The following IGF2BP3 variants were observed in gnomAD, a reference collection of about 807,000 sequenced individuals.
IGF2BP3 encodes insulin like growth factor 2 mRNA binding protein 3, also known as insulin-like growth factor 2 mRNA-binding protein 3.
A neutral mutation model predicts 73.8 loss-of-function variants in IGF2BP3; 9 were observed. That is an observed-to-expected ratio of 0.12 (90% CI 0.07 to 0.21). The LOEUF is 0.21. Ranked by LOEUF, IGF2BP3 falls within the 10% of genes least tolerant of loss-of-function variation. The pLI is 1.00. For synonymous variants in IGF2BP3, 258 were observed against 256.7 expected (o/e 1.01, Z -0.05); for missense variants, 542 against 714.0 (o/e 0.76, Z 2.75).
chr7:23,431,882 GT>G (rs1787690195), intron 2 of IGF2BP3, among the ~76,000 whole-genome samples: 1 of 152,136 alleles, frequency 6.6e-6, no homozygotes, highest in Non-Finnish European at 1.5e-5. Context: ...CTGTGGTATA[GT>G]TAACAGGGCG....
intron 10 of IGF2BP3, among the ~76,000 whole-genome samples, chr7:23,341,737 G>A (rs1264284636): frequency 1.3e-5 from 2 of 150,820 alleles, no homozygotes; most frequent in Non-Finnish European, 2.9e-5. Flanking sequence ...TTCTGCACAT[G>A]TATCCGAGAA....
intron 2 of IGF2BP3, among the ~76,000 whole-genome samples, chr7:23,454,668 GCAAAGGTTC>G: frequency 6.6e-6 from 1 of 152,216 alleles, no homozygotes; most frequent in Non-Finnish European, 1.5e-5. Flanking sequence ...ACAGGGCTAA[GCAAAGGTTC>G]CTACTGAGGC....
At chr7:23,364,547 CAAAAAAAA>C (rs34795303) in intron 3 of IGF2BP3, among the ~76,000 whole-genome samples, 4 of 40,352 alleles carry the variant, frequency 9.9e-5, no homozygotes, top group African/African-American at 2.0e-4. Flanking sequence ...GACTTTGTGT[CAAAAAAAA>C]AAAAAAAAAA....
chr7:23,428,128 A>G (rs1467578039), intron 2 of IGF2BP3, among the ~76,000 whole-genome samples: 1 of 152,124 alleles, frequency 6.6e-6, no homozygotes, highest in Non-Finnish European at 1.5e-5. Flanking sequence ...GTGAGCCAAG[A>G]TCATGCCACT....
At chr7:23,341,183 C>A (rs562180279) in intron 10 of IGF2BP3, among the ~76,000 whole-genome samples, 2 of 152,054 alleles carry the variant, frequency 1.3e-5, no homozygotes, top group South Asian at 4.2e-4. Context: ...TACCTCTTTA[C>A]AAAATAAACA....
At chr7:23,320,947 C>CAAAA (rs70966008) in intron 10 of IGF2BP3, among the ~76,000 whole-genome samples, 4 of 96,474 alleles carry the variant, frequency 4.1e-5, no homozygotes, top group South Asian at 3.0e-4. Flanking sequence ...AACTCTGTCT[C>CAAAA]AAAAAAAAAA....
intron 5 of IGF2BP3, among the ~76,000 whole-genome samples, chr7:23,354,529 A>C (rs1052384206): frequency 1.3e-4 from 20 of 152,228 alleles, no homozygotes; most frequent in African/African-American, 4.6e-4. Context: ...AGATAGACAC[A>C]TACAGATATC....
chr7:23,334,108 G>A (rs1784513038), intron 10 of IGF2BP3, among the ~76,000 whole-genome samples: 1 of 152,142 alleles, frequency 6.6e-6, no homozygotes, highest in African/African-American at 2.4e-5. Context: ...GGCTGAGGCG[G>A]GCGGATCCCT....
intron 2 of IGF2BP3, among the ~76,000 whole-genome samples, chr7:23,462,127 G>T (rs1269667250): frequency 6.6e-6 from 1 of 152,190 alleles, no homozygotes; most frequent in Non-Finnish European, 1.5e-5. Context: ...TAATGGACCT[G>T]AGTGGCACAT....
intron 3 of IGF2BP3, among the ~76,000 whole-genome samples, chr7:23,391,826 G>A (rs1189008737): frequency 6.6e-6 from 1 of 152,216 alleles, no homozygotes; most frequent in African/African-American, 2.4e-5. Context: ...ATCAAAATGA[G>A]TAAGAACTTG....
rs1181323758 is a variant in IGF2BP3 at position 23,334,141 on chromosome 7, G to C, written c.1203+7923C>G. On this transcript the variant is annotated intron_variant, in intron 10 of 14. Transcript: ENST00000258729. ...CCTTGAGGTCAGGAGTTCGAGACCA[G>C]CTGGGCTGATATGATGAAACCCCAT... Among the ~76,000 whole-genome samples, 3 of 152,120 alleles carry C rather than the reference G, an allele frequency of 2.0e-5. No homozygotes were observed. In the East Asian group the frequency reaches 5.8e-4, roughly 29 times the overall value.
At chr7:23,345,726 T>A (rs1784812934) in intron 8 of IGF2BP3, among the ~76,000 whole-genome samples, 2 of 152,250 alleles carry the variant, frequency 1.3e-5, no homozygotes, top group African/African-American at 4.8e-5. Flanking sequence ...AAAACATGAA[T>A]GTAAAGCATT....
chr7:23,384,445 G>T (rs1271858266), intron 3 of IGF2BP3, among the ~76,000 whole-genome samples: 2 of 152,092 alleles, frequency 1.3e-5, no homozygotes, highest in Non-Finnish European at 2.9e-5. Context: ...GAATTGTATG[G>T]TATTTAAATT....
rs763046938 is a variant in IGF2BP3 at position 23,410,335 on chromosome 7, C to A, written c.285+8441G>T. Among the ~76,000 whole-genome samples, 8 of 152,066 alleles carry A rather than the reference C, an allele frequency of 5.3e-5. No homozygotes were observed. The East Asian group carries it at 1.5e-3, about 29-fold the overall frequency. ...TTGTGCCACTGCACTCCAGCCTGGG[C>A]GATAGGAGTCAAGATTCTGTCTCAA... On this transcript the variant is annotated intron_variant, in intron 3 of 14. Coordinates refer to ENST00000258729, the MANE Select transcript of IGF2BP3 (RefSeq NM_006547.3).
At chr7:23,355,145 T>C (rs575264803) in intron 5 of IGF2BP3, among the ~76,000 whole-genome samples, 20 of 152,312 alleles carry the variant, frequency 1.3e-4, no homozygotes, top group Admixed American at 5.9e-4. Context: ...TTGACACATA[T>C]GTATTCAGTT....
chr7:23,451,992 C>CTTTTTTTTTTTTTTT (rs796497374), intron 2 of IGF2BP3, among the ~76,000 whole-genome samples: 1 of 142,030 alleles, frequency 7.0e-6, no homozygotes, highest in African/African-American at 2.6e-5. Context: ...TTCTTTTTTC[C>CTTTTTTTTTTTTTTT]TTTTTTTTTT....
At chr7:23,421,135 G>A (rs1396408926) in intron 2 of IGF2BP3, among the ~76,000 whole-genome samples, 1 of 152,072 alleles carries the variant, frequency 6.6e-6, no homozygotes, top group Non-Finnish European at 1.5e-5. Context: ...TCAGCCTCCT[G>A]CGTAGCTGGG....
intron 2 of IGF2BP3, among the ~76,000 whole-genome samples, chr7:23,463,521 T>C (rs1021562018): frequency 2.6e-5 from 4 of 152,244 alleles, no homozygotes; most frequent in Middle Eastern, 3.2e-3. Flanking sequence ...GATAACCTAT[T>C]TATTTTGAGC....
At chr7:23,445,645 C>A (rs1437584144) in intron 2 of IGF2BP3, among the ~76,000 whole-genome samples, 2 of 152,044 alleles carry the variant, frequency 1.3e-5, no homozygotes, top group Non-Finnish European at 2.9e-5. Flanking sequence ...ACTGAAGAAG[C>A]GTGTAACAAT....
Sources: allele counts gnomAD v4.1 joint callset (sites outside exome capture counted in the v4.1 genomes callset), GRCh38; gene constraint gnomAD v4.1.1; transcripts MANE v1.5; gene names NCBI Gene and HGNC (gene_info 2026-07-23, HGNC 2026-07-21).